The following ZNF69 variants were observed in gnomAD, a reference collection of about 807,000 sequenced individuals.
ZNF69 encodes ZNF3.
In ZNF69, 47 loss-of-function variants were observed where a neutral mutation model predicts 50.9. That is an observed-to-expected ratio of 0.92 (90% CI 0.73 to 1.18). The LOEUF (loss-of-function observed/expected upper bound fraction) is 1.18, where lower values mean the gene tolerates loss of function less well. ZNF69 is among the 50% of genes most tolerant of loss of function. The probability of loss-of-function intolerance (pLI) is 0.00; values close to 1 mark genes in which losing one functional copy is unlikely to be tolerated. For synonymous variants in ZNF69, 216 were observed against 223.1 expected (o/e 0.97, Z 0.29); for missense variants, 717 against 675.1 (o/e 1.06, Z -0.69).
the ZNF69 span, chr19:11,948,930 A>C: frequency 6.2e-7 from 1 of 1,607,900 alleles, no homozygotes; most frequent in Admixed American, 1.7e-5. Context: ...GTCACATGGG[A>C]GAGAAGCCTT....
At chr19:11,977,037 G>A in the ZNF69 span, 1 of 1,614,168 alleles carries the variant, frequency 6.2e-7, no homozygotes, top group Non-Finnish European at 8.5e-7. Context: ...AGATGTTTCA[G>A]GACCCTGTGG....
chr19:11,918,467 G>T (rs953464565), downstream of ZNF69, among the ~76,000 whole-genome samples: 5 of 152,074 alleles, frequency 3.3e-5, no homozygotes, highest in African/African-American at 1.2e-4. Flanking sequence ...CTAATTTGTA[G>T]TTATCTCTCT....
chr19:11,922,830 A>ATT, the ZNF69 span, among the ~76,000 whole-genome samples: 1,277 of 141,942 alleles, frequency 9.0e-3, 12 homozygotes, highest in African/African-American at 0.028. Context: ...TTTGTTTTTG[A>ATT]TTTTTTTTTT....
chr19:11,918,629 T>A (rs1384784380), downstream of ZNF69, among the ~76,000 whole-genome samples: 2 of 151,924 alleles, frequency 1.3e-5, no homozygotes, highest in African/African-American at 2.4e-5. Flanking sequence ...TTTTCAAAAA[T>A]TTTTTGTAGA....
At chr19:11,950,535 T>G in the ZNF69 span, 1 of 603,418 alleles carries the variant, frequency 1.7e-6, no homozygotes. Context: ...ACCCTATGAA[T>G]GTAAGCAATG....
Position 11,904,650 on chromosome 19 carries a change from A to G in ZNF69, c.253A>G (p.Ser85Gly), listed in dbSNP as rs749857577. ...EYQNPRRNFR[S>G]LIEKKVNEIK... Reference sequence around the variant, plus strand: ...TAATGTGCTTCTCATTTTTGACAGGAGTCTCATAGAAAAGAAAGTCAATGA... The same window carrying G: ...TAATGTGCTTCTCATTTTTGACAGGGGTCTCATAGAAAAGAAAGTCAATGA... Residue 85 changes from serine (S) to glycine (G), a missense_variant and splice_region_variant, in exon 4 of 4, where the codon AGT becomes GGT. Ser to Gly is a moderately conservative substitution (Grantham distance 56, BLOSUM62 0). Transcript: ENST00000429654. 13 of 1,609,472 alleles carry G rather than the reference A, an allele frequency of 8.1e-6. No individual in the cohort carries two copies. Among genetic ancestry groups the G allele is most frequent in the Admixed American group, 1.7e-5 (1 of 58,372 alleles).
the ZNF69 span, among the ~76,000 whole-genome samples, chr19:11,922,728 A>G: frequency 1.3e-5 from 2 of 152,200 alleles, no homozygotes; most frequent in Admixed American, 6.5e-5. Context: ...GATCCAGTCC[A>G]TAAGGAAATA....
At chr19:11,901,607 T>A (rs1036996368) in intron 1 of ZNF69, among the ~76,000 whole-genome samples, 3 of 152,002 alleles carry the variant, frequency 2.0e-5, no homozygotes, top group Non-Finnish European at 4.4e-5. Context: ...ATGTCAGCCT[T>A]TCAAGTAACT....
chr19:11,900,834 A>G (rs1408906021), intron 1 of ZNF69, among the ~76,000 whole-genome samples: 1 of 152,102 alleles, frequency 6.6e-6, no homozygotes, highest in Non-Finnish European at 1.5e-5. Flanking sequence ...ATGAAGTCCA[A>G]TTTATCGATT....
At chr19:11,896,362 G>C (rs1464712276) in intron 1 of ZNF69, among the ~76,000 whole-genome samples, 1 of 150,962 alleles carries the variant, frequency 6.6e-6, no homozygotes, top group African/African-American at 2.4e-5. Flanking sequence ...TGGGTATATT[G>C]CCTGTCTATC....
chr19:11,977,246 C>T, the ZNF69 span: 2 of 1,605,464 alleles, frequency 1.2e-6, no homozygotes, highest in Non-Finnish European at 1.7e-6. Flanking sequence ...TCATTTGGAA[C>T]ATAGACAGGA....
chr19:11,940,860 T>C, the ZNF69 span, among the ~76,000 whole-genome samples: 14 of 151,946 alleles, frequency 9.2e-5, no homozygotes, highest in Non-Finnish European at 1.8e-4. Flanking sequence ...TACAGAGTGT[T>C]GACATAAAGG....
chr19:11,940,893 A>G, the ZNF69 span, among the ~76,000 whole-genome samples: 2 of 152,130 alleles, frequency 1.3e-5, no homozygotes, highest in African/African-American at 4.8e-5. Flanking sequence ...CCACCAGAAT[A>G]GCTAGGTACA....
chr19:11,962,853 TC>T, the ZNF69 span, among the ~76,000 whole-genome samples: 14 of 152,164 alleles, frequency 9.2e-5, no homozygotes, highest in African/African-American at 3.1e-4. Context: ...GTTTAAGTTT[TC>T]CTCCTCCCAT....
At chr19:11,908,197 A>G (rs1454586382), downstream of ZNF69, among the ~76,000 whole-genome samples, 1 of 152,204 alleles carries the variant, frequency 6.6e-6, no homozygotes, top group African/African-American at 2.4e-5. Context: ...CTACAAAGAG[A>G]CTTAGACTCC....
Position 11,897,506 on chromosome 19 carries a change from T to C in ZNF69, c.64-6067T>C, listed in dbSNP as rs536320126. Among the ~76,000 whole-genome samples the C allele has an allele frequency of 1.2e-3, 172 of 146,056 alleles. 1 individual carries two copies. Among genetic ancestry groups the C allele is most frequent in the African/African-American group, 4.2e-3 (165 of 38,852 alleles). ...AGAAGGATCTGTTGAGCCTAAGAGT[T>C]CGAGGCTGCAGTGAGCTATGATTGC... On this transcript the variant is annotated intron_variant, in intron 1 of 3. Coordinates refer to ENST00000429654, the MANE Select transcript of ZNF69 (RefSeq NM_001364730.1).
At chr19:11,979,361 T>A in the ZNF69 span, 3 of 1,608,762 alleles carry the variant, frequency 1.9e-6, no homozygotes, top group Non-Finnish European at 2.5e-6. Flanking sequence ...ACCCTATGAG[T>A]GTAAGGAATG....
At chr19:11,896,394 A>G (rs1408751979) in intron 1 of ZNF69, among the ~76,000 whole-genome samples, 3 of 151,982 alleles carry the variant, frequency 2.0e-5, no homozygotes, top group Non-Finnish European at 4.4e-5. Flanking sequence ...GGGCTGCTAT[A>G]TCAAATTACC....
At chr19:11,958,466 A>C in the ZNF69 span, among the ~76,000 whole-genome samples, 10 of 152,164 alleles carry the variant, frequency 6.6e-5, no homozygotes, top group African/African-American at 2.4e-4. Context: ...GGTGTTCAGC[A>C]AGCACCACAC....
Sources: gnomAD v4.1 joint callset for allele counts (sites outside exome capture counted in the v4.1 genomes callset) on GRCh38, gnomAD v4.1.1 for gene constraint, MANE v1.5 for transcripts, NCBI Gene and HGNC (gene_info 2026-07-23, HGNC 2026-07-21) for gene names.